Variants in SLC24A2 observed in about 807,000 individuals in gnomAD.
The protein encoded by SLC24A2 is sodium/potassium/calcium exchanger 2.
SLC24A2 carries 36 observed loss-of-function variants against 62.0 expected under a neutral mutation model. The observed-to-expected ratio is 0.58, with a 90% CI of 0.44 to 0.77. The LOEUF is 0.77. Ranked by LOEUF, SLC24A2 falls within the 30% of genes least tolerant of loss-of-function variation. The pLI is 0.00. For synonymous variants in SLC24A2, 358 were observed against 294.0 expected (o/e 1.22, Z -2.23); for missense variants, 846 against 817.9 (o/e 1.03, Z -0.42).
At chr9:19,541,843 C>G (rs1437188026) in intron 8 of SLC24A2, among the ~76,000 whole-genome samples, 1 of 151,416 alleles carries the variant, frequency 6.6e-6, no homozygotes, top group Non-Finnish European at 1.5e-5. Context: ...GACTGCTGTG[C>G]TAGCAATCAG....
At chr9:19,602,741 G>C (rs1477205085) in intron 4 of SLC24A2, among the ~76,000 whole-genome samples, 1 of 152,036 alleles carries the variant, frequency 6.6e-6, no homozygotes, top group African/African-American at 2.4e-5. Context: ...TGTGGTCTTG[G>C]GTAAATCATT....
At chr9:19,838,143 G>A in the SLC24A2 span, among the ~76,000 whole-genome samples, 1 of 152,096 alleles carries the variant, frequency 6.6e-6, no homozygotes, top group East Asian at 1.9e-4. Context: ...AAAGCTGGAG[G>A]CATCACGCTA....
chr9:19,851,188 T>G, the SLC24A2 span, among the ~76,000 whole-genome samples: 1 of 149,820 alleles, frequency 6.7e-6, no homozygotes, highest in Non-Finnish European at 1.5e-5. Context: ...CATGCCAGGC[T>G]AGTTTTTGTA....
At chr9:19,748,336 A>G (rs1035867140) in intron 2 of SLC24A2, among the ~76,000 whole-genome samples, 5 of 152,172 alleles carry the variant, frequency 3.3e-5, no homozygotes, top group Non-Finnish European at 7.3e-5. Flanking sequence ...CCTCTTTACC[A>G]TGAGACTTGT....
At chr9:20,261,131 T>C in the SLC24A2 span, among the ~76,000 whole-genome samples, 1 of 152,234 alleles carries the variant, frequency 6.6e-6, no homozygotes, top group East Asian at 1.9e-4. Context: ...GTGCTGGGAT[T>C]ACAGGCACGA....
intron 2 of SLC24A2, among the ~76,000 whole-genome samples, chr9:19,726,505 C>T (rs1313611476): frequency 6.6e-6 from 1 of 152,120 alleles, no homozygotes; most frequent in Non-Finnish European, 1.5e-5. Flanking sequence ...GCACTCCCTG[C>T]ACAACAGGAA....
chr9:20,301,561 G>T, the SLC24A2 span, among the ~76,000 whole-genome samples: 1 of 149,600 alleles, frequency 6.7e-6, no homozygotes, highest in Non-Finnish European at 1.5e-5. Flanking sequence ...AAGAGATGAA[G>T]ACTTTAAAAG....
chr9:19,873,203 TCCTCCCTC>T, the SLC24A2 span, among the ~76,000 whole-genome samples: 1 of 135,354 alleles, frequency 7.4e-6, no homozygotes, highest in African/African-American at 2.9e-5. Flanking sequence ...CTTCCTCCCT[TCCTCCCTC>T]CCTCCCTCTC....
chr9:19,797,951 A>C, the SLC24A2 span, among the ~76,000 whole-genome samples: 1 of 152,188 alleles, frequency 6.6e-6, no homozygotes, highest in Non-Finnish European at 1.5e-5. Flanking sequence ...TTTCTATTGT[A>C]GGCTGTAACA....
intron 7 of SLC24A2, among the ~76,000 whole-genome samples, chr9:19,572,591 T>G (rs1238558728): frequency 6.6e-6 from 1 of 152,206 alleles, no homozygotes; most frequent in Non-Finnish European, 1.5e-5. Context: ...CTGCCATGAT[T>G]ATAAGTTTCC....
chr9:20,019,165 G>GAGAGAC, the SLC24A2 span, among the ~76,000 whole-genome samples: 3 of 132,836 alleles, frequency 2.3e-5, no homozygotes, highest in Non-Finnish European at 4.8e-5. Context: ...AAGAGAGAGA[G>GAGAGAC]ACAGAAAGAA....
chr9:20,261,936 C>T, the SLC24A2 span, among the ~76,000 whole-genome samples: 3 of 151,922 alleles, frequency 2.0e-5, no homozygotes, highest in Non-Finnish European at 4.4e-5. Context: ...GACAGCATTT[C>T]ACCATGTTAG....
intron 2 of SLC24A2, among the ~76,000 whole-genome samples, chr9:19,687,751 C>T (rs1819926529): frequency 6.6e-6 from 1 of 152,080 alleles, no homozygotes; most frequent in Middle Eastern, 3.2e-3. Flanking sequence ...TTACTACTTT[C>T]AGCTGTCTTG....
chr9:19,683,551 C>A (rs76994829), intron 2 of SLC24A2, among the ~76,000 whole-genome samples: 1 of 138,092 alleles, frequency 7.2e-6, no homozygotes, highest in Admixed American at 7.3e-5. Flanking sequence ...TTTTTTTTTT[C>A]AGTTTCCAAG....
At chr9:19,742,644 G>A (rs182792023) in intron 2 of SLC24A2, among the ~76,000 whole-genome samples, 3 of 152,248 alleles carry the variant, frequency 2.0e-5, no homozygotes, top group Admixed American at 6.5e-5. Context: ...ATTAGACCCT[G>A]GTCTTCTGAT....
chr9:20,248,539 C>G, the SLC24A2 span, among the ~76,000 whole-genome samples: 5 of 152,112 alleles, frequency 3.3e-5, no homozygotes, highest in Non-Finnish European at 5.9e-5. Flanking sequence ...AAGGGGCAGG[C>G]TCTCTTGTGT....
the SLC24A2 span, among the ~76,000 whole-genome samples, chr9:19,898,356 T>C: frequency 2.2e-3 from 341 of 152,294 alleles, 1 homozygote; most frequent in African/African-American, 7.8e-3. Flanking sequence ...TCTGTTGACT[T>C]TGGCTGCTTC....
the SLC24A2 span, among the ~76,000 whole-genome samples, chr9:20,078,313 CCCCCACT>C: frequency 6.7e-6 from 1 of 149,606 alleles, no homozygotes; most frequent in East Asian, 1.9e-4. Context: ...CACTTCCCCA[CCCCCACT>C]CCCCAACCCC....
the SLC24A2 span, among the ~76,000 whole-genome samples, chr9:19,809,588 T>C: frequency 6.6e-6 from 1 of 152,104 alleles, no homozygotes; most frequent in Non-Finnish European, 1.5e-5. Flanking sequence ...GTGCCAATCA[T>C]GTTCAAGATG....
Sources: gnomAD v4.1 joint callset for allele counts (sites outside exome capture counted in the v4.1 genomes callset) on GRCh38, gnomAD v4.1.1 for gene constraint, MANE v1.5 for transcripts, NCBI Gene and HGNC (gene_info 2026-07-23, HGNC 2026-07-21) for gene names.